SPPL3: variants seen among roughly 807,000 people sequenced by gnomAD.
The protein encoded by SPPL3 is signal peptide peptidase like 3.
Under a neutral mutation model 42.4 loss-of-function variants are expected in SPPL3, and 5 were observed. The ratio of observed to expected loss-of-function variants is 0.12; its 90% CI spans 0.06 to 0.25. SPPL3 has a LOEUF of 0.25. SPPL3 is among the 10% of genes least tolerant of loss of function. The pLI, the probability that SPPL3 is intolerant of heterozygous loss-of-function variation, is 1.00. For missense variants in SPPL3, 235 were observed against 489.0 expected, an observed-to-expected ratio of 0.48 and a Z score of 4.90; for synonymous variants, 195 against 181.8, an observed-to-expected ratio of 1.07 and a Z score of -0.58.
intron 2 of SPPL3, among the ~76,000 whole-genome samples, chr12:120,809,051 G>A (rs1231748045): frequency 1.3e-5 from 2 of 152,122 alleles, no homozygotes; most frequent in East Asian, 1.9e-4. Context: ...ACATCTCAGT[G>A]ATTAACACTT....
intron 1 of SPPL3, chr12:120,901,879 T>C (rs1873995920): frequency 2.0e-6 from 2 of 985,364 alleles, no homozygotes; most frequent in Non-Finnish European, 2.4e-6. Context: ...CCAACCTACC[T>C]AGTAAAACAT....
In SPPL3 at chr12:120,766,287, T is replaced by C; in HGVS notation, c.1059A>G (p.Pro353=). 1 of 1,593,230 alleles carries C rather than the reference T, an allele frequency of 6.3e-7. No individual in the cohort carries two copies. Among genetic ancestry groups the C allele is most frequent in the East Asian group, 2.3e-5 (1 of 44,196 alleles). ...LLYLVPFTLL[P]LLTMAYLKGD... ...CCTTTAAATAGGCCATCGTGAGGAG[T>C]GGCAATAAAGTAAATGGCACCAAAT... Residue 353 remains proline (P), a synonymous_variant, in exon 10 of 11, where the codon CCA becomes CCG. Transcript: ENST00000353487.
chr12:120,813,622 G>A (rs185978045), intron 1 of SPPL3, among the ~76,000 whole-genome samples: 6 of 151,876 alleles, frequency 4.0e-5, no homozygotes, highest in Admixed American at 2.6e-4. Context: ...TGCACCCGGC[G>A]TGATCCTTAA....
intron 1 of SPPL3, among the ~76,000 whole-genome samples, chr12:120,880,674 C>A (rs1413949164): frequency 6.6e-6 from 1 of 151,794 alleles, no homozygotes; most frequent in Non-Finnish European, 1.5e-5. Flanking sequence ...CCAGTCCCAG[C>A]TACTCGGGAG....
At chr12:120,885,143 G>A (rs372343026) in intron 1 of SPPL3, among the ~76,000 whole-genome samples, 12 of 152,278 alleles carry the variant, frequency 7.9e-5, no homozygotes, top group Middle Eastern at 3.4e-3. Context: ...TTCTTTCTTA[G>A]TAAGGCTAAG....
chr12:120,789,445 C>CT (rs1401483284), intron 3 of SPPL3, among the ~76,000 whole-genome samples: 1 of 18,626 alleles, frequency 5.4e-5, no homozygotes, highest in African/African-American at 1.5e-4. Context: ...CAGTGAGACT[C>CT]TGTCTCAAAA....
chr12:120,772,946 A>G (rs1019849851), intron 6 of SPPL3, among the ~76,000 whole-genome samples: 7 of 152,258 alleles, frequency 4.6e-5, no homozygotes, highest in Non-Finnish European at 1.0e-4. Context: ...ATAATCATAT[A>G]GAATGTTTAT....
chr12:120,883,816 C>CGTAA, intron 1 of SPPL3, among the ~76,000 whole-genome samples: 1 of 152,086 alleles, frequency 6.6e-6, no homozygotes, highest in Non-Finnish European at 1.5e-5. Flanking sequence ...AAAATGTAGA[C>CGTAA]GTAAGCCGGG....
intron 1 of SPPL3, chr12:120,835,791 A>ATG (rs1284756756): frequency 6.6e-6 from 1 of 152,210 alleles, no homozygotes; most frequent in Non-Finnish European, 1.5e-5. Context: ...GCCTGGGAAA[A>ATG]TGAGAGAGAG....
intron 1 of SPPL3, among the ~76,000 whole-genome samples, chr12:120,854,832 G>C (rs950340639): frequency 1.3e-5 from 2 of 152,224 alleles, no homozygotes; most frequent in South Asian, 4.2e-4. Flanking sequence ...TTTCCAAAGC[G>C]GGGCATTTGT....
intron 2 of SPPL3, among the ~76,000 whole-genome samples, chr12:120,796,070 G>A (rs567491289): frequency 1.1e-4 from 17 of 152,052 alleles, no homozygotes; most frequent in East Asian, 5.8e-4. Context: ...GTTTGATTTC[G>A]TTCTTCTTTA....
intron 6 of SPPL3, among the ~76,000 whole-genome samples, chr12:120,778,897 A>C (rs1375783273): frequency 6.6e-6 from 1 of 152,156 alleles, no homozygotes; most frequent in African/African-American, 2.4e-5. Context: ...AAAAAAATAC[A>C]ATCATTTTTG....
chr12:120,838,063 C>T (rs1226771283), intron 1 of SPPL3, among the ~76,000 whole-genome samples: 2 of 152,062 alleles, frequency 1.3e-5, no homozygotes, highest in Non-Finnish European at 2.9e-5. Context: ...AACTCAGACA[C>T]AGTGATTATA....
intron 3 of SPPL3, among the ~76,000 whole-genome samples, chr12:120,790,994 G>A (rs1444768430): frequency 1.3e-5 from 2 of 152,082 alleles, no homozygotes; most frequent in African/African-American, 4.8e-5. Flanking sequence ...GGCTGATTTT[G>A]TATTTTTAGT....
At chr12:120,775,625 C>G (rs1869286610) in intron 6 of SPPL3, among the ~76,000 whole-genome samples, 1 of 152,158 alleles carries the variant, frequency 6.6e-6, no homozygotes, top group African/African-American at 2.4e-5. Flanking sequence ...GTTCTATGAT[C>G]CTTGATCACT....
intron 1 of SPPL3, among the ~76,000 whole-genome samples, chr12:120,870,369 C>T (rs773645816): frequency 2.6e-5 from 4 of 151,998 alleles, no homozygotes; most frequent in East Asian, 1.9e-4. Context: ...CACTTGAACC[C>T]GGGAGGCAGA....
At chr12:120,811,357 C>T (rs1394782457) in intron 1 of SPPL3, 1 of 153,548 alleles carries the variant, frequency 6.5e-6, no homozygotes, top group East Asian at 1.9e-4. Flanking sequence ...TGATTTTCTC[C>T]ATCTAGATGG....
At chr12:120,766,163 CAG>C (rs903584805) in intron 10 of SPPL3, 98 bp downstream of exon 10, 19 of 957,818 alleles carry the variant, frequency 2.0e-5, no homozygotes, top group East Asian at 8.4e-5. Flanking sequence ...CAAGCTCACT[CAG>C]GGGCTTAAGC....
chr12:120,767,249 T>A (rs1417094971), intron 9 of SPPL3, 145 bp downstream of exon 9: 2 of 800,332 alleles, frequency 2.5e-6, no homozygotes, highest in African/African-American at 3.5e-5. Context: ...ACACTTAGCA[T>A]CTCACGGGCC....
Sources: gnomAD v4.1 joint callset for allele counts (sites outside exome capture counted in the v4.1 genomes callset) on GRCh38, gnomAD v4.1.1 for gene constraint, MANE v1.5 for transcripts, NCBI Gene and HGNC (gene_info 2026-07-23, HGNC 2026-07-21) for gene names.